The following DAB1 variants were observed in gnomAD, a reference collection of about 807,000 sequenced individuals.
DAB1 encodes disabled homolog 1.
A neutral mutation model predicts 64.6 loss-of-function variants in DAB1; 15 were observed. That is an observed-to-expected ratio of 0.23 (90% CI 0.16 to 0.36). DAB1 has a LOEUF of 0.36. Ranked by LOEUF, DAB1 falls within the 10% of genes least tolerant of loss-of-function variation. The pLI, the probability that DAB1 is intolerant of heterozygous loss-of-function variation, is 1.00. For synonymous variants in DAB1, 235 were observed against 251.9 expected, an observed-to-expected ratio of 0.93 and a Z score of 0.64; for missense variants, 596 against 706.7, an observed-to-expected ratio of 0.84 and a Z score of 1.78.
At chr1:57,662,130 A>C (rs1242608218) in intron 6 of DAB1, among the ~76,000 whole-genome samples, 1 of 152,140 alleles carries the variant, frequency 6.6e-6, no homozygotes, top group African/African-American at 2.4e-5. Flanking sequence ...TTTTGGGTAA[A>C]GAAAAATAGC....
At chr1:58,010,903 T>A (rs548316542) in intron 5 of DAB1, among the ~76,000 whole-genome samples, 1 of 152,380 alleles carries the variant, frequency 6.6e-6, no homozygotes, top group African/African-American at 2.4e-5. Flanking sequence ...GATGCTGACA[T>A]GGGAAAATGA....
chr1:57,358,890 T>C (rs1035794376), intron 1 of DAB1, among the ~76,000 whole-genome samples: 3 of 151,982 alleles, frequency 2.0e-5, no homozygotes, highest in African/African-American at 4.8e-5. Context: ...ATAAATGGTG[T>C]TGGGAAAACT....
At chr1:57,066,464 A>T (rs1431108894) in intron 8 of DAB1, among the ~76,000 whole-genome samples, 1 of 152,214 alleles carries the variant, frequency 6.6e-6, no homozygotes, top group Non-Finnish European at 1.5e-5. Flanking sequence ...AGCAAAAGGC[A>T]ATTATTATTA....
intron 1 of DAB1, among the ~76,000 whole-genome samples, chr1:57,856,451 G>T (rs1170077785): frequency 2.6e-5 from 4 of 152,240 alleles, no homozygotes; most frequent in South Asian, 4.2e-4. Context: ...CTGTACATAT[G>T]AAAAGTTCAC....
At chr1:57,941,235 G>T (rs564508614) in intron 5 of DAB1, among the ~76,000 whole-genome samples, 4 of 152,300 alleles carry the variant, frequency 2.6e-5, no homozygotes, top group African/African-American at 9.6e-5. Flanking sequence ...TAATAATAAT[G>T]CCAGACACTG....
At chr1:58,290,515 G>C (rs1661791651) in intron 4 of DAB1, among the ~76,000 whole-genome samples, 1 of 152,110 alleles carries the variant, frequency 6.6e-6, no homozygotes, top group South Asian at 2.1e-4. Flanking sequence ...AGTGCACTAA[G>C]GACTTTACAC....
At chr1:57,824,230 G>T (rs940235918), downstream of DAB1, among the ~76,000 whole-genome samples, 16 of 152,296 alleles carry the variant, frequency 1.1e-4, 1 homozygote, top group Admixed American at 4.6e-4. Context: ...AAGCTTGGTG[G>T]TTTGGTTCCA....
At chr1:58,481,650 T>G (rs907695822) in intron 3 of DAB1, among the ~76,000 whole-genome samples, 1 of 152,190 alleles carries the variant, frequency 6.6e-6, no homozygotes, top group African/African-American at 2.4e-5. Flanking sequence ...GGTTTGCATA[T>G]GTCTCCACCC....
At chr1:58,543,372 G>A (rs1010136989) in intron 1 of DAB1, among the ~76,000 whole-genome samples, 45 of 152,302 alleles carry the variant, frequency 3.0e-4, no homozygotes, top group African/African-American at 9.6e-4. Flanking sequence ...ATCAGTTCCA[G>A]AAATACTGGA....
chr1:57,295,188 A>G (rs1485349876), intron 1 of DAB1, among the ~76,000 whole-genome samples: 1 of 152,266 alleles, frequency 6.6e-6, no homozygotes, highest in Admixed American at 6.5e-5. Context: ...TATAATAAAT[A>G]CCACTTTAAA....
chr1:57,867,985 C>T (rs1028292602), intron 1 of DAB1, among the ~76,000 whole-genome samples: 1 of 152,074 alleles, frequency 6.6e-6, no homozygotes, highest in African/African-American at 2.4e-5. Flanking sequence ...AGTAAAGTTC[C>T]ACCACAGTGA....
Position 58,247,036 on chromosome 1 carries a change from T to C in DAB1, n.309+96316A>G, listed in dbSNP as rs974299734. ...GCCTTGGGCAATAGGGAGCACTTTA[T>C]GTTTTTGATCTGGGAGTAACACGAT... On this transcript the variant is annotated intron_variant and non_coding_transcript_variant, in intron 4 of 20. Coordinates refer to the DAB1 transcript ENST00000485760. Among the ~76,000 whole-genome samples, 10 of 152,284 alleles carry C rather than the reference T, an allele frequency of 6.6e-5. No individual in the cohort carries two copies. The East Asian group carries it at 1.7e-3, about 26-fold the overall frequency.
At chr1:57,102,628 C>T (rs1367067655) in intron 4 of DAB1, among the ~76,000 whole-genome samples, 2 of 152,130 alleles carry the variant, frequency 1.3e-5, no homozygotes, top group Non-Finnish European at 2.9e-5. Flanking sequence ...CTATTTTCAT[C>T]GAGAAGGCTT....
chr1:57,788,000 A>AC (rs397768710), intron 6 of DAB1, among the ~76,000 whole-genome samples: 2 of 150,192 alleles, frequency 1.3e-5, no homozygotes, highest in Admixed American at 6.6e-5. Context: ...TAAAAAAAAA[A>AC]CAAATGAGAA....
At chr1:57,069,500 AGAT>A in intron 7 of DAB1, 75 bp from the exon 8 acceptor site, 1 of 1,270,186 alleles carries the variant, frequency 7.9e-7, no homozygotes. Flanking sequence ...TTGGAAATTA[AGAT>A]ACAAATCACA....
intron 5 of DAB1, among the ~76,000 whole-genome samples, chr1:58,006,992 A>G (rs1403662989): frequency 6.6e-6 from 1 of 152,192 alleles, no homozygotes; most frequent in East Asian, 1.9e-4. Flanking sequence ...ATGTACACCA[A>G]TAACTCATTC....
At chr1:58,411,343 C>G (rs926450312) in intron 3 of DAB1, among the ~76,000 whole-genome samples, 2 of 152,220 alleles carry the variant, frequency 1.3e-5, no homozygotes, top group East Asian at 3.8e-4. Flanking sequence ...CATACCCTTT[C>G]TGTGGCTCAA....
At chr1:57,737,851 T>C (rs1647772524) in intron 6 of DAB1, among the ~76,000 whole-genome samples, 1 of 152,220 alleles carries the variant, frequency 6.6e-6, no homozygotes, top group Non-Finnish European at 1.5e-5. Context: ...TCAGGACCTA[T>C]GACCCACGTT....
chr1:57,446,588 A>T (rs1686148756), intron 7 of DAB1, among the ~76,000 whole-genome samples: 1 of 135,434 alleles, frequency 7.4e-6, no homozygotes, highest in Admixed American at 8.0e-5. Flanking sequence ...ACAAGAGCAA[A>T]ACTCCGTTGC....
Sources: allele counts gnomAD v4.1 joint callset (sites outside exome capture counted in the v4.1 genomes callset), GRCh38; gene constraint gnomAD v4.1.1; transcripts MANE v1.5; gene names NCBI Gene and HGNC (gene_info 2026-07-23, HGNC 2026-07-21).